Variants in CALN1 observed in about 807,000 individuals in gnomAD.
CALN1 encodes the protein calcium-binding protein 8.
In CALN1, 17 loss-of-function variants were observed where a neutral mutation model predicts 30.6. The observed-to-expected ratio is 0.56, with a 90% CI of 0.38 to 0.83. The LOEUF (loss-of-function observed/expected upper bound fraction) is 0.83. Ranked by LOEUF, CALN1 falls within the 40% of genes least tolerant of loss-of-function variation. The probability of loss-of-function intolerance (pLI) is 0.00; values close to 1 mark genes in which losing one functional copy is unlikely to be tolerated. For synonymous variants in CALN1, 156 were observed against 131.4 expected, an observed-to-expected ratio of 1.19 and a Z score of -1.28; for missense variants, 291 against 354.9, an observed-to-expected ratio of 0.82 and a Z score of 1.45.
At chr7:72,027,575 G>A (rs1801144613) in intron 4 of CALN1, among the ~76,000 whole-genome samples, 2 of 152,024 alleles carry the variant, frequency 1.3e-5, no homozygotes, top group Admixed American at 6.6e-5. Context: ...GCCAGGTGTG[G>A]TGGCGGGCAC....
At chr7:71,897,289 C>T (rs188757636) in intron 5 of CALN1, among the ~76,000 whole-genome samples, 21 of 152,144 alleles carry the variant, frequency 1.4e-4, no homozygotes, top group African/African-American at 2.4e-4. Flanking sequence ...ACTGTTGCAC[C>T]GGGACTTGTA....
At chr7:72,435,694 G>A (rs117355568) in intron 1 of CALN1, among the ~76,000 whole-genome samples, 2,433 of 152,314 alleles carry the variant, frequency 0.016, 34 homozygotes, top group Non-Finnish European at 0.026. Flanking sequence ...TGACAGAGCC[G>A]CTTTTCATCT....
chr7:72,233,005 G>A (rs1018166160), intron 3 of CALN1, among the ~76,000 whole-genome samples: 6 of 151,730 alleles, frequency 4.0e-5, no homozygotes, highest in Non-Finnish European at 7.4e-5. Context: ...CCATAACATG[G>A]AAACACAGTT....
chr7:72,403,565 C>G (rs1307367355), intron 1 of CALN1, 123 bp from the exon 2 acceptor site: 2 of 461,032 alleles, frequency 4.3e-6, no homozygotes, highest in East Asian at 6.3e-5. Flanking sequence ...GGTAGAAACA[C>G]AATCCTGGCA....
intron 3 of CALN1, among the ~76,000 whole-genome samples, chr7:72,190,422 T>C (rs13230379): frequency 0.25 from 38,514 of 152,128 alleles, 5,247 homozygotes; most frequent in Middle Eastern, 0.35. Flanking sequence ...CTGATGTGCA[T>C]TGTAAATTTC....
At chr7:72,383,697 A>C (rs1805043865) in intron 2 of CALN1, among the ~76,000 whole-genome samples, 1 of 152,178 alleles carries the variant, frequency 6.6e-6, no homozygotes, top group Admixed American at 6.5e-5. Context: ...GAGTCTTTAC[A>C]ATGACGAAGA....
At chr7:72,307,271 G>A (rs1315697628) in intron 2 of CALN1, among the ~76,000 whole-genome samples, 1 of 152,192 alleles carries the variant, frequency 6.6e-6, no homozygotes, top group Non-Finnish European at 1.5e-5. Context: ...TCATTCAGAT[G>A]GAAAGCCATT....
chr7:72,379,405 A>G (rs770073371), intron 2 of CALN1, among the ~76,000 whole-genome samples: 17 of 152,270 alleles, frequency 1.1e-4, no homozygotes, highest in Non-Finnish European at 2.4e-4. Context: ...GCTAACAGTT[A>G]TAGGGTGCAT....
At chr7:71,815,405 G>A (rs1788202055) in intron 5 of CALN1, among the ~76,000 whole-genome samples, 1 of 152,124 alleles carries the variant, frequency 6.6e-6, no homozygotes, top group Non-Finnish European at 1.5e-5. Context: ...AAGCTTCAAA[G>A]CCATTGTGTT....
the CALN1 span, among the ~76,000 whole-genome samples, chr7:72,500,215 G>A: frequency 7.3e-6 from 1 of 137,874 alleles, no homozygotes; most frequent in African/African-American, 2.7e-5. Flanking sequence ...CCCGGCCTCA[G>A]CTGAAACTTT....
intron 3 of CALN1, among the ~76,000 whole-genome samples, chr7:72,198,893 T>TA (rs1791223169): frequency 6.6e-6 from 1 of 152,208 alleles, no homozygotes; most frequent in Admixed American, 6.5e-5. Flanking sequence ...AAGCTCTCAC[T>TA]AATCCCTGTA....
the CALN1 span, among the ~76,000 whole-genome samples, chr7:72,478,899 T>TTTTTTTTTTTTTTTA: frequency 1.3e-5 from 2 of 150,960 alleles, no homozygotes; most frequent in African/African-American, 4.9e-5. Context: ...TTTTTTTTTT[T>TTTTTTTTTTTTTTTA]GAGATGAAGT....
chr7:72,157,325 C>T (rs982542680), intron 3 of CALN1, among the ~76,000 whole-genome samples: 7 of 152,100 alleles, frequency 4.6e-5, no homozygotes, highest in African/African-American at 1.4e-4. Context: ...CCTTAAAATA[C>T]GCTGGCTGGG....
chr7:72,397,242 T>A (rs1271147474), intron 2 of CALN1, among the ~76,000 whole-genome samples: 1 of 151,990 alleles, frequency 6.6e-6, no homozygotes, highest in Non-Finnish European at 1.5e-5. Context: ...GCACTCCACA[T>A]ACTGAAGCAG....
intron 5 of CALN1, among the ~76,000 whole-genome samples, chr7:71,930,749 T>C (rs576890226): frequency 6.6e-6 from 1 of 152,224 alleles, no homozygotes; most frequent in South Asian, 2.1e-4. Context: ...CTCTCGCGTG[T>C]GTGTATTCTG....
intron 6 of CALN1, among the ~76,000 whole-genome samples, chr7:71,808,843 C>G (rs1787771148): frequency 6.6e-6 from 1 of 152,132 alleles, no homozygotes; most frequent in South Asian, 2.1e-4. Flanking sequence ...CAGCCCCGAG[C>G]GAGATGGATT....
At chr7:72,093,517 A>G (rs1806011749) in intron 4 of CALN1, among the ~76,000 whole-genome samples, 1 of 152,204 alleles carries the variant, frequency 6.6e-6, no homozygotes, top group Non-Finnish European at 1.5e-5. Context: ...ATGCATTAGC[A>G]TTATGATTAA....
intron 3 of CALN1, among the ~76,000 whole-genome samples, chr7:72,226,206 T>A (rs569063827): frequency 2.6e-5 from 4 of 151,730 alleles, no homozygotes; most frequent in Non-Finnish European, 5.9e-5. Context: ...GATCACAGCA[T>A]TGCACTCCAA....
intron 4 of CALN1, among the ~76,000 whole-genome samples, chr7:72,095,992 T>C (rs570165686): frequency 6.6e-6 from 1 of 151,976 alleles, no homozygotes; most frequent in Admixed American, 6.6e-5. Flanking sequence ...TGAGCTATGA[T>C]GACACCACTG....
Sources: gnomAD v4.1 joint callset for allele counts (sites outside exome capture counted in the v4.1 genomes callset) on GRCh38, gnomAD v4.1.1 for gene constraint, MANE v1.5 for transcripts, NCBI Gene and HGNC (gene_info 2026-07-23, HGNC 2026-07-21) for gene names.